CREB3L2: variants seen among roughly 807,000 people sequenced by gnomAD.
CREB3L2 encodes cyclic AMP-responsive element-binding protein 3-like protein 2.
A neutral mutation model predicts 57.2 loss-of-function variants in CREB3L2; 23 were observed. The observed-to-expected ratio is 0.40, with a 90% confidence interval of 0.29 to 0.57. The LOEUF (loss-of-function observed/expected upper bound fraction) is 0.57. Among genes scored for constraint, CREB3L2 ranks in the 20% least tolerant of loss-of-function variants. CREB3L2 has a pLI of 0.42. For missense variants in CREB3L2, 628 were observed against 634.7 expected (o/e 0.99, Z 0.11); for synonymous variants, 268 against 265.1 (o/e 1.01, Z -0.11).
intron 1 of CREB3L2, among the ~76,000 whole-genome samples, chr7:137,953,781 G>A (rs1801152977): frequency 6.6e-6 from 1 of 152,198 alleles, no homozygotes; most frequent in Admixed American, 6.5e-5. Context: ...AAACTAGTTT[G>A]TAAACAGCTG....
chr7:137,901,613 G>T (rs866616394), intron 7 of CREB3L2, among the ~76,000 whole-genome samples, 191 bp from the exon 8 acceptor site: 17 of 151,752 alleles, frequency 1.1e-4, no homozygotes, highest in Admixed American at 2.6e-4. Flanking sequence ...GGGCACGGTG[G>T]CTCACGCCTG....
chr7:137,913,002 G>C lies in CREB3L2; in HGVS notation c.572C>G (p.Ser191Cys), dbSNP rs1442238914. The change falls in exon 4 of 12, where the codon TCT (serine) becomes TGT (cysteine). Residue 191 changes from serine (S) to cysteine (C), a missense_variant. Transcript: ENST00000330387. ...PHEVDQFLNF[S>C]PKEAPVDHLH... ...GAGGGCAGACAGACCTTCTTTAGGA[G>C]AGAAGTTTAGAAACTGATCCACTTC... 4.3e-6 allele frequency: 7 copies of C among 1,613,686 alleles called. No individual in the cohort carries two copies. Among genetic ancestry groups the C allele is most frequent in the Non-Finnish European group, 3.4e-6 (4 of 1,179,674 alleles).
chr7:137,918,303 G>T (rs1800190792), intron 2 of CREB3L2, among the ~76,000 whole-genome samples: 2 of 152,054 alleles, frequency 1.3e-5, no homozygotes, highest in African/African-American at 4.8e-5. Flanking sequence ...CGATTCTCCT[G>T]CCTCAGCCTC....
intron 8 of CREB3L2, among the ~76,000 whole-genome samples, chr7:137,888,854 G>A (rs1288244899): frequency 6.6e-6 from 1 of 152,056 alleles, no homozygotes; most frequent in Non-Finnish European, 1.5e-5. Flanking sequence ...GCCGCAAGGT[G>A]CTGAAGTTTA....
chr7:137,930,821 T>C (rs184791050), intron 1 of CREB3L2, among the ~76,000 whole-genome samples: 1 of 152,238 alleles, frequency 6.6e-6, no homozygotes, highest in East Asian at 1.9e-4. Context: ...GCCAACTGCC[T>C]GCATCACAAT....
intron 2 of CREB3L2, among the ~76,000 whole-genome samples, chr7:137,918,456 C>T (rs1800197625): frequency 6.6e-6 from 1 of 152,140 alleles, no homozygotes. Flanking sequence ...GCTGGGATTA[C>T]AGGTGTGAGC....
intron 1 of CREB3L2, among the ~76,000 whole-genome samples, chr7:137,945,787 T>TA (rs1321746060): frequency 6.6e-6 from 1 of 152,222 alleles, no homozygotes; most frequent in Non-Finnish European, 1.5e-5. Flanking sequence ...GGAGCTCCTC[T>TA]TTATTCACCC....
chr7:137,931,191 C>T (rs1487131691), intron 1 of CREB3L2, among the ~76,000 whole-genome samples: 3 of 151,504 alleles, frequency 2.0e-5, no homozygotes, highest in African/African-American at 7.3e-5. Flanking sequence ...ATGATTGTAC[C>T]ATTGCACTCC....
intron 1 of CREB3L2, among the ~76,000 whole-genome samples, chr7:137,963,463 G>A (rs569752967): frequency 2.6e-5 from 4 of 152,192 alleles, no homozygotes; most frequent in Non-Finnish European, 4.4e-5. Flanking sequence ...TCTAATTCAC[G>A]CCATTTTGTA....
intron 1 of CREB3L2, among the ~76,000 whole-genome samples, chr7:137,942,483 T>A (rs1800895704): frequency 2.0e-5 from 3 of 152,224 alleles, no homozygotes; most frequent in Admixed American, 2.0e-4. Flanking sequence ...AGTGGTTCAG[T>A]GTACCTTAGC....
chr7:137,891,173 G>A (rs576569636), intron 8 of CREB3L2, among the ~76,000 whole-genome samples: 20 of 152,248 alleles, frequency 1.3e-4, no homozygotes, highest in African/African-American at 4.3e-4. Context: ...TAAACTCAGT[G>A]GCTATCCTCA....
In CREB3L2 at chr7:137,971,265, A is replaced by T. The variant is rs887518513; in HGVS notation, c.102+30339T>A. Among the ~76,000 whole-genome samples the T allele has an allele frequency of 1.6e-4, 25 of 152,160 alleles. 1 individual carries two copies. Among genetic ancestry groups the T allele is most frequent in the African/African-American group, 7.2e-5 (3 of 41,442 alleles). On this transcript the variant is annotated intron_variant, in intron 1 of 11. Coordinates refer to ENST00000330387, the MANE Select transcript of CREB3L2 (RefSeq NM_194071.4). ...GGAGATGGAGACCATCCTGGCTAAC[A>T]CGGTGAAACCCCATCTCTACTAAAA...
chr7:137,882,349 T>C (rs1799311025), intron 11 of CREB3L2, 63 bp downstream of exon 11: 3 of 1,254,242 alleles, frequency 2.4e-6, no homozygotes, highest in Admixed American at 1.8e-5. Flanking sequence ...ACATCTCAGG[T>C]TGCTGACTCA....
At chr7:137,903,935 G>C (rs1203582107) in intron 7 of CREB3L2, 24 bp downstream of exon 7, 11 of 1,598,300 alleles carry the variant, frequency 6.9e-6, no homozygotes, top group African/African-American at 4.0e-5. Context: ...CCCGATGAAC[G>C]CAACAGTTTG....
In CREB3L2 at chr7:137,965,656, A is replaced by G. The variant is rs367750599; in HGVS notation, c.102+35948T>C. ...CCCATGTTATAAGCAAGGACATAGA[A>G]AGCCCTAGGTTCTCCAGCCAAACAC... On this transcript the variant is annotated intron_variant, in intron 1 of 11. Transcript: ENST00000330387. 1.1e-4 allele frequency among the ~76,000 whole-genome samples: 17 copies of G among 152,286 alleles called. No individual in the cohort carries two copies. In the East Asian group the frequency reaches 3.1e-3, roughly 28 times the overall value.
chr7:137,928,098 G>T, intron 2 of CREB3L2, 52 bp downstream of exon 2: 1 of 1,387,288 alleles, frequency 7.2e-7, no homozygotes, highest in Non-Finnish European at 1.0e-6. Context: ...ACCCTCAAGA[G>T]CTCAGAACCA....
At chr7:137,912,520 A>G (rs113138938) in intron 4 of CREB3L2, among the ~76,000 whole-genome samples, 2 of 152,340 alleles carry the variant, frequency 1.3e-5, no homozygotes, top group African/African-American at 2.4e-5. Flanking sequence ...TTGTCATTCA[A>G]AGTCAATGTT....
chr7:137,977,766 G>A, intron 1 of CREB3L2, among the ~76,000 whole-genome samples: 1 of 152,004 alleles, frequency 6.6e-6, no homozygotes. Flanking sequence ...ACTAAAAACA[G>A]AAATATTAGC....
chr7:137,984,027 G>A (rs1220527753), intron 1 of CREB3L2, among the ~76,000 whole-genome samples: 1 of 152,190 alleles, frequency 6.6e-6, no homozygotes, highest in Admixed American at 6.5e-5. Flanking sequence ...ACACCCAGAA[G>A]TGCCAAAAAG....
Sources: allele counts gnomAD v4.1 joint callset (sites outside exome capture counted in the v4.1 genomes callset), GRCh38; gene constraint gnomAD v4.1.1; transcripts MANE v1.5; gene names NCBI Gene and HGNC (gene_info 2026-07-23, HGNC 2026-07-21).